FZD3: variants seen among roughly 807,000 people sequenced by gnomAD.
FZD3 encodes the protein frizzled-3.
FZD3 carries 30 observed loss-of-function variants against 60.7 expected under a neutral mutation model. That is an observed-to-expected ratio of 0.49 (90% CI 0.37 to 0.67). FZD3 has a LOEUF of 0.67. Among genes scored for constraint, FZD3 ranks in the 30% least tolerant of loss-of-function variants. The pLI is 0.00. For synonymous variants in FZD3, 246 were observed against 275.2 expected, an observed-to-expected ratio of 0.89 and a Z score of 1.05; for missense variants, 605 against 838.7, an observed-to-expected ratio of 0.72 and a Z score of 3.44.
chr8:28,546,065 A>G (rs1385185944), intron 5 of FZD3, among the ~76,000 whole-genome samples: 1 of 152,228 alleles, frequency 6.6e-6, no homozygotes, highest in Non-Finnish European at 1.5e-5. Context: ...GCTATACCAT[A>G]AAGCCTAGGT....
chr8:28,561,126 G>A (rs982470356), intron 7 of FZD3, among the ~76,000 whole-genome samples: 3 of 151,986 alleles, frequency 2.0e-5, no homozygotes, highest in Non-Finnish European at 4.4e-5. Context: ...GCACGATCTC[G>A]GCTCACTGCA....
At chr8:28,553,065 A>T (rs1038644720) in intron 6 of FZD3, among the ~76,000 whole-genome samples, 2 of 152,200 alleles carry the variant, frequency 1.3e-5, no homozygotes, top group Non-Finnish European at 2.9e-5. Context: ...TGGCACCCAC[A>T]GGGGGTCCTG....
chr8:28,527,557 C>T lies in FZD3; in HGVS notation c.797C>T (p.Ala266Val), dbSNP rs755087853. The T allele has an allele frequency of 6.2e-6, 10 of 1,613,666 alleles. No individual in the cohort carries two copies. In the African/African-American group the frequency reaches 1.3e-4, roughly 22 times the overall value. The change falls in exon 5 of 8, where the codon GCA becomes GTA. Residue 266 changes from alanine to valine, a missense_variant. Coordinates refer to ENST00000240093, the MANE Select transcript of FZD3 (RefSeq NM_017412.4). The surrounding 1 kb of genome is among the most constrained non-coding windows in gnomAD (Gnocchi z 5.0). ...CTTGAAGATCGAGTAGCCTGCAATGCATCCATCCCTGCACAATATAAGGCT... is the reference window on the plus strand; with the variant it reads ...CTTGAAGATCGAGTAGCCTGCAATGTATCCATCCCTGCACAATATAAGGCT... ...FLLEDRVACN[A>V]SIPAQYKAST... is the part of the protein sequence containing the mutation.
intron 5 of FZD3, among the ~76,000 whole-genome samples, chr8:28,546,957 G>T (rs780609738): frequency 2.0e-5 from 3 of 149,894 alleles, no homozygotes; most frequent in African/African-American, 7.4e-5. Context: ...GCGACAGAGC[G>T]AGACTCCGTC....
At chr8:28,536,541 G>A (rs1008345586) in intron 5 of FZD3, among the ~76,000 whole-genome samples, 2 of 152,036 alleles carry the variant, frequency 1.3e-5, no homozygotes, top group Non-Finnish European at 2.9e-5. Context: ...AAGCCTATCT[G>A]TACTAAAAAT....
At chr8:28,501,525 C>A (rs1218792778) in intron 2 of FZD3, among the ~76,000 whole-genome samples, 3 of 152,188 alleles carry the variant, frequency 2.0e-5, no homozygotes, top group Non-Finnish European at 4.4e-5. Flanking sequence ...AGGCTCTCCA[C>A]AACAAACATA....
intron 5 of FZD3, among the ~76,000 whole-genome samples, chr8:28,535,449 A>G (rs1804985658): frequency 6.6e-6 from 1 of 152,158 alleles, no homozygotes; most frequent in Non-Finnish European, 1.5e-5. Flanking sequence ...GTTTTTATCT[A>G]ATGTCCTATT....
intron 2 of FZD3, among the ~76,000 whole-genome samples, chr8:28,501,775 T>C (rs567190657): frequency 2.6e-5 from 4 of 152,220 alleles, no homozygotes; most frequent in Non-Finnish European, 5.9e-5. Flanking sequence ...TTCTTATTTT[T>C]CCTGTGACTT....
In FZD3 at chr8:28,565,922, T is replaced by C. The variant is rs1805697387; in HGVS notation, c.*2911T>C. Reference sequence around the variant, plus strand: ...CAACTGAGAAAATAATAGTTCTCTCTAACATGTTAATATATTATCAAAAGG... The same window carrying C: ...CAACTGAGAAAATAATAGTTCTCTCCAACATGTTAATATATTATCAAAAGG... On this transcript the variant is annotated 3_prime_UTR_variant, in exon 8 of 8. Coordinates refer to ENST00000240093, the MANE Select transcript of FZD3 (RefSeq NM_017412.4). The C allele has an allele frequency of 6.6e-6, 1 of 152,072 alleles. No homozygotes were observed. The highest frequency in any genetic ancestry group is 6.6e-5 in the Admixed American group (1 of 15,264). 9.4% of individuals were successfully genotyped at this position (152,072 alleles called of 1,614,324 possible). A position where few individuals can be genotyped will look rare whatever the true frequency, so the allele number is the denominator to read the frequency against.
chr8:28,551,623 A>G lies in FZD3; in HGVS notation c.1425A>G (p.Pro475=). The G allele has an allele frequency of 6.2e-7, 1 of 1,610,016 alleles. No homozygotes were observed. The highest frequency in any genetic ancestry group is 1.1e-5 in the South Asian group (1 of 90,660). The part of the protein sequence containing the change: ...CPYQVTQMSR[P]DLILFLMKYL... ...TCCAGGTTACTCAAATGAGTCGTCC[A>G]GACTTGATTCTCTTTCTGATGAAAT... is the stretch of plus-strand genomic sequence containing the variant. The change falls in exon 6 of 8, where the codon CCA becomes CCG. Residue 475 remains proline, a synonymous_variant. Coordinates refer to ENST00000240093, the MANE Select transcript of FZD3 (RefSeq NM_017412.4).
chr8:28,547,277 G>A (rs1805317285), intron 5 of FZD3, among the ~76,000 whole-genome samples: 2 of 152,102 alleles, frequency 1.3e-5, no homozygotes, highest in Admixed American at 1.3e-4. Context: ...GTCTTCCTCA[G>A]TATCTTTTCA....
At chr8:28,526,999 A>G (rs528201245) in intron 4 of FZD3, 148 bp from the exon 5 acceptor site, 1 of 730,900 alleles carries the variant, frequency 1.4e-6, no homozygotes, top group Non-Finnish European at 2.3e-6. Flanking sequence ...CACAAACAAG[A>G]TATCACCATT....
chr8:28,532,926 C>T (rs1333337490), intron 5 of FZD3, among the ~76,000 whole-genome samples: 2 of 152,116 alleles, frequency 1.3e-5, no homozygotes, highest in South Asian at 4.1e-4. Context: ...AAACTCTGTC[C>T]TCATATCTTT....
At chr8:28,510,776 C>T (rs541970406) in intron 3 of FZD3, among the ~76,000 whole-genome samples, 1 of 151,852 alleles carries the variant, frequency 6.6e-6, no homozygotes, top group South Asian at 2.1e-4. Flanking sequence ...GTGGCTCAGG[C>T]CTATAATCTG....
intron 3 of FZD3, among the ~76,000 whole-genome samples, chr8:28,509,838 C>T (rs1804237806): frequency 1.3e-5 from 2 of 152,072 alleles, no homozygotes; most frequent in African/African-American, 4.8e-5. Flanking sequence ...TCCATTTATC[C>T]ATCAGTGGAC....
intron 3 of FZD3, among the ~76,000 whole-genome samples, chr8:28,512,718 G>T (rs955400869): frequency 6.6e-6 from 1 of 151,966 alleles, no homozygotes; most frequent in Non-Finnish European, 1.5e-5. Flanking sequence ...GGTAAATACC[G>T]CAAAAAAGCA....
At chr8:28,503,443 C>T (rs1804053199) in intron 3 of FZD3, among the ~76,000 whole-genome samples, 1 of 152,082 alleles carries the variant, frequency 6.6e-6, no homozygotes, top group South Asian at 2.1e-4. Flanking sequence ...TTTGAAACAT[C>T]AGAACATGGG....
At chr8:28,521,801 T>TTAATATCCTA (rs1804587842) in intron 4 of FZD3, among the ~76,000 whole-genome samples, 1 of 152,238 alleles carries the variant, frequency 6.6e-6, no homozygotes, top group Non-Finnish European at 1.5e-5. Context: ...GTCAATTGTG[T>TTAATATCCTA]TAATATCCTA....
chr8:28,512,924 CT>C (rs1484721972), intron 3 of FZD3, among the ~76,000 whole-genome samples: 1 of 152,034 alleles, frequency 6.6e-6, no homozygotes, highest in African/African-American at 2.4e-5. Flanking sequence ...AATGAAACTT[CT>C]TTTACTACAT....
Sources: gnomAD v4.1 joint callset for allele counts (sites outside exome capture counted in the v4.1 genomes callset) on GRCh38, gnomAD v4.1.1 for gene constraint, Gnocchi (gnomAD v3.1) non-coding constraint, MANE v1.5 for transcripts, NCBI Gene and HGNC (gene_info 2026-07-23, HGNC 2026-07-21) for gene names.